The following PDE4D variants were observed in gnomAD, a reference collection of about 807,000 sequenced individuals.
PDE4D encodes phosphodiesterase 4D, also known as 3',5'-cyclic-AMP phosphodiesterase 4D.
In PDE4D, 24 loss-of-function variants were observed where a neutral mutation model predicts 87.4. The ratio of observed to expected loss-of-function variants is 0.27; its 90% confidence interval spans 0.20 to 0.39. The LOEUF is 0.39. Ranked by LOEUF, PDE4D falls within the 10% of genes least tolerant of loss-of-function variation. PDE4D has a pLI of 1.00. For missense variants in PDE4D, 714 were observed against 1,041.0 expected (o/e 0.69, Z 4.32); for synonymous variants, 384 against 383.2 (o/e 1.00, Z -0.02).
chr5:59,206,480 A>G (rs1748824473), intron 2 of PDE4D, among the ~76,000 whole-genome samples: 1 of 152,240 alleles, frequency 6.6e-6, no homozygotes, highest in Non-Finnish European at 1.5e-5. Flanking sequence ...TAAAGGAGAC[A>G]TTGAGAACAA....
At chr5:59,764,617 A>G (rs2150803770) in intron 1 of PDE4D, among the ~76,000 whole-genome samples, 1 of 151,748 alleles carries the variant, frequency 6.6e-6, no homozygotes, top group African/African-American at 2.4e-5. Context: ...TAGAAATGAA[A>G]TAACAGGATG....
intron 1 of PDE4D, among the ~76,000 whole-genome samples, chr5:60,519,610 AAAG>A (rs1197559213): frequency 6.6e-6 from 1 of 152,132 alleles, no homozygotes; most frequent in Non-Finnish European, 1.5e-5. Context: ...TTTGGAAAAA[AAAG>A]AATAGTGTTC....
intron 4 of PDE4D, 135 bp downstream of exon 4, chr5:59,185,054 A>G: frequency 3.4e-6 from 2 of 586,850 alleles, no homozygotes; most frequent in Non-Finnish European, 6.2e-6. Context: ...TTAACAGGAC[A>G]TCATATGACT....
At chr5:59,758,164 T>C (rs113423762) in intron 1 of PDE4D, among the ~76,000 whole-genome samples, 128 of 152,314 alleles carry the variant, frequency 8.4e-4, no homozygotes, top group African/African-American at 2.8e-3. Context: ...TTTAATGCTA[T>C]TGGTTTCATA....
At chr5:60,234,314 G>T (rs749720945) in intron 1 of PDE4D, among the ~76,000 whole-genome samples, 1 of 151,618 alleles carries the variant, frequency 6.6e-6, no homozygotes, top group Non-Finnish European at 1.5e-5. Context: ...CTCACCGTAT[G>T]GATATATCAC....
intron 1 of PDE4D, among the ~76,000 whole-genome samples, chr5:59,532,163 A>ATATC (rs765676316): frequency 2.5e-4 from 38 of 152,208 alleles, no homozygotes; most frequent in Admixed American, 1.6e-3. Flanking sequence ...TTGAGATGGA[A>ATATC]TATCACTCTC....
intron 1 of PDE4D, among the ~76,000 whole-genome samples, chr5:59,611,314 C>A (rs753132644): frequency 1.3e-5 from 2 of 152,116 alleles, no homozygotes; most frequent in African/African-American, 2.4e-5. Flanking sequence ...TTTGTAAGAA[C>A]CCTGCCCTCA....
At chr5:59,415,402 A>C (rs1793428246) in intron 1 of PDE4D, among the ~76,000 whole-genome samples, 1 of 152,216 alleles carries the variant, frequency 6.6e-6, no homozygotes, top group Non-Finnish European at 1.5e-5. Context: ...GCAGACTCTG[A>C]GTTCAAACCC....
At chr5:58,977,449 T>C in intron 11 of PDE4D, 104 bp from the exon 12 acceptor site, 1 of 992,036 alleles carries the variant, frequency 1.0e-6, no homozygotes, top group Non-Finnish European at 1.5e-6. Flanking sequence ...TAAACTTCTC[T>C]GCTGCCCTTA....
intron 2 of PDE4D, among the ~76,000 whole-genome samples, chr5:60,116,201 A>C (rs1374896070): frequency 6.6e-6 from 1 of 152,108 alleles, no homozygotes; most frequent in Non-Finnish European, 1.5e-5. Context: ...GAGAAACAGC[A>C]CAGAATCCAC....
chr5:59,009,206 C>T (rs1752270205), intron 6 of PDE4D, among the ~76,000 whole-genome samples: 2 of 152,132 alleles, frequency 1.3e-5, no homozygotes, highest in Non-Finnish European at 1.5e-5. Context: ...CCATATGACC[C>T]AGCAATCCTA....
chr5:59,906,333 G>C (rs538268793), intron 3 of PDE4D, among the ~76,000 whole-genome samples: 1 of 152,148 alleles, frequency 6.6e-6, no homozygotes, highest in Non-Finnish European at 1.5e-5. Flanking sequence ...GCTAGAGAAA[G>C]TAGTTAGCTT....
chr5:60,105,334 C>G (rs1383095782), intron 2 of PDE4D, among the ~76,000 whole-genome samples: 4 of 152,158 alleles, frequency 2.6e-5, no homozygotes, highest in Non-Finnish European at 5.9e-5. Context: ...AAGAAACGAA[C>G]AAAGCCTCCA....
At chr5:60,351,969 C>CTT (rs1019080741) in intron 1 of PDE4D, among the ~76,000 whole-genome samples, 4 of 138,726 alleles carry the variant, frequency 2.9e-5, no homozygotes, top group Non-Finnish European at 3.2e-5. Flanking sequence ...CCACACCCGG[C>CTT]TTTTTTTTTT....
At chr5:59,502,392 C>T (rs960470464) in intron 1 of PDE4D, among the ~76,000 whole-genome samples, 1 of 151,948 alleles carries the variant, frequency 6.6e-6, no homozygotes, top group Admixed American at 6.6e-5. Context: ...GTTTAATTAC[C>T]TCCAACCAAT....
At chr5:60,122,943 C>G (rs139212878) in intron 2 of PDE4D, among the ~76,000 whole-genome samples, 5,670 of 152,218 alleles carry the variant, frequency 0.037, 325 homozygotes, top group African/African-American at 0.13. Context: ...ACCAGATACC[C>G]TAAATCATCT....
chr5:59,313,239 T>C lies in PDE4D; in HGVS notation c.456-97271A>G, dbSNP rs201576997. ...CTAGGCAACTTACCCCCAAATTCTGTTGGGTAACAGGAGCAAGTAGCAACC... is the reference window on the plus strand; with the variant it reads ...CTAGGCAACTTACCCCCAAATTCTGCTGGGTAACAGGAGCAAGTAGCAACC... On this transcript the variant is annotated intron_variant, in intron 1 of 14. Transcript: ENST00000340635. Among the ~76,000 whole-genome samples the C allele has an allele frequency of 1.1e-4, 16 of 152,282 alleles. No homozygotes were observed. In the East Asian group the frequency reaches 3.1e-3, roughly 29 times the overall value.
intron 3 of PDE4D, among the ~76,000 whole-genome samples, chr5:59,953,005 AG>A (rs1758454974): frequency 6.6e-6 from 1 of 152,222 alleles, no homozygotes; most frequent in African/African-American, 2.4e-5. Flanking sequence ...ATGCAGAAAT[AG>A]AAAACTAATA....
At chr5:59,231,666 G>A (rs1029104021) in intron 1 of PDE4D, among the ~76,000 whole-genome samples, 2 of 152,172 alleles carry the variant, frequency 1.3e-5, no homozygotes, top group Non-Finnish European at 2.9e-5. Flanking sequence ...TTCCATCAAA[G>A]TAAACTGGAA....
Sources: gnomAD v4.1 joint callset for allele counts (sites outside exome capture counted in the v4.1 genomes callset) on GRCh38, gnomAD v4.1.1 for gene constraint, MANE v1.5 for transcripts, NCBI Gene and HGNC (gene_info 2026-07-23, HGNC 2026-07-21) for gene names.